Variants in POLR3E observed in about 807,000 individuals in gnomAD.
POLR3E encodes RNA polymerase III subunit E.
In POLR3E, 41 loss-of-function variants were observed where a neutral mutation model predicts 96.6. That is an observed-to-expected ratio of 0.42 (90% CI 0.33 to 0.55). The LOEUF (loss-of-function observed/expected upper bound fraction) is 0.55, where lower values mean the gene tolerates loss of function less well. POLR3E is among the 20% of genes least tolerant of loss of function. The probability of loss-of-function intolerance (pLI) is 0.06; values close to 1 mark genes in which losing one functional copy is unlikely to be tolerated. For synonymous variants in POLR3E, 396 were observed against 383.6 expected, an observed-to-expected ratio of 1.03 and a Z score of -0.38; for missense variants, 849 against 952.1, an observed-to-expected ratio of 0.89 and a Z score of 1.43.
chr16:22,305,464 A>C (rs1598238240), intron 3 of POLR3E: 2 of 676,654 alleles, frequency 3.0e-6, no homozygotes, highest in East Asian at 5.7e-5. Context: ...TTGAGATCCA[A>C]CTCCATCACA....
intron 14 of POLR3E, among the ~76,000 whole-genome samples, chr16:22,323,858 C>T (rs2048520808): frequency 6.6e-6 from 1 of 152,178 alleles, no homozygotes. Context: ...TGTCTCTCAG[C>T]CAGCCACCCT....
At chr16:22,319,287 T>A (rs931042521) in intron 13 of POLR3E, among the ~76,000 whole-genome samples, 3 of 152,250 alleles carry the variant, frequency 2.0e-5, no homozygotes, top group African/African-American at 7.2e-5. Context: ...CTGTATTCTC[T>A]TAATGGGAGC....
chr16:22,303,072 C>A, intron 2 of POLR3E, 68 bp downstream of exon 2: 2 of 1,393,968 alleles, frequency 1.4e-6, no homozygotes, highest in Non-Finnish European at 2.0e-6. Context: ...TTCCATGTGT[C>A]CTCAGGCCAG....
intron 3 of POLR3E, among the ~76,000 whole-genome samples, chr16:22,307,479 T>G (rs2048157560): frequency 6.6e-6 from 1 of 152,176 alleles, no homozygotes; most frequent in Admixed American, 6.5e-5. Context: ...GGTCCAGACT[T>G]TGACTCCTTC....
chr16:22,311,296 A>G (rs111949909), intron 6 of POLR3E, among the ~76,000 whole-genome samples: 6 of 142,796 alleles, frequency 4.2e-5, no homozygotes, highest in African/African-American at 1.6e-4. Context: ...TTTTTAATAA[A>G]TTTAGTGTAG....
At chr16:22,328,369 C>G (rs1354408458) in intron 18 of POLR3E, 141 bp from the exon 19 acceptor site, 5 of 709,564 alleles carry the variant, frequency 7.0e-6, no homozygotes, top group Admixed American at 6.4e-5. Context: ...GCCCAAGGCC[C>G]TCAGAGATGG....
At chr16:22,321,691 C>A (rs1490720082) in intron 13 of POLR3E, among the ~76,000 whole-genome samples, 3 of 152,332 alleles carry the variant, frequency 2.0e-5, no homozygotes, top group Non-Finnish European at 4.4e-5. Context: ...ATGGCTCAGC[C>A]CTGGGCTCTG....
intron 13 of POLR3E, among the ~76,000 whole-genome samples, chr16:22,319,785 T>A (rs2048433920): frequency 6.6e-6 from 1 of 152,218 alleles, no homozygotes; most frequent in African/African-American, 2.4e-5. Flanking sequence ...AATGTAATGA[T>A]CAAATCAGGG....
chr16:22,333,713 A>G lies in POLR3E; in HGVS notation c.*13A>G. The G allele has an allele frequency of 6.3e-7, 1 of 1,585,406 alleles. No individual in the cohort carries two copies. The highest frequency in any genetic ancestry group is 8.7e-7 in the Non-Finnish European group (1 of 1,153,702). ...AGTACAGTCTTGACAATAGTAGCAA[A>G]CTACTAACCCAGCAAATCTAAGCCC... On this transcript the variant is annotated 3_prime_UTR_variant, in exon 21 of 21. Transcript: ENST00000299853.
intron 6 of POLR3E, among the ~76,000 whole-genome samples, chr16:22,311,550 A>G (rs1464392255): frequency 6.6e-6 from 1 of 151,434 alleles, no homozygotes; most frequent in East Asian, 1.9e-4. Flanking sequence ...GCTGGAGTAC[A>G]GTGGTGATCA....
intron 1 of POLR3E, among the ~76,000 whole-genome samples, chr16:22,297,801 C>A (rs577140845): frequency 6.6e-6 from 1 of 152,378 alleles, no homozygotes; most frequent in South Asian, 2.1e-4. Flanking sequence ...AGCCGACCTG[C>A]CCTATCCGGG....
rs761371483 is a variant in POLR3E at position 22,316,955 on chromosome 16, G to A, written c.729-40G>A. Reference sequence around the variant, plus strand: ...GTGGCTGGTGAGGAGGGTCCAGCCTGGATCAGCCCTGAGCCTCTGCCCCTG... The same window carrying A: ...GTGGCTGGTGAGGAGGGTCCAGCCTAGATCAGCCCTGAGCCTCTGCCCCTG... On this transcript the variant is annotated intron_variant, in intron 10 of 20. Coordinates refer to ENST00000299853, the MANE Select transcript of POLR3E (RefSeq NM_018119.4). The A allele has an allele frequency of 3.7e-6, 6 of 1,609,326 alleles. No homozygotes were observed. The African/African-American group carries it at 8.0e-5, about 22-fold the overall frequency.
At chr16:22,299,113 G>A (rs567116929) in intron 1 of POLR3E, 7 of 451,218 alleles carry the variant, frequency 1.6e-5, no homozygotes, top group African/African-American at 1.4e-4. Context: ...GGCTGGGGGA[G>A]GCTTTTAAAA....
chr16:22,309,810 C>G (rs1437218980), intron 6 of POLR3E: 1 of 456,398 alleles, frequency 2.2e-6, no homozygotes, highest in Non-Finnish European at 4.0e-6. Flanking sequence ...AGAATTTTGT[C>G]TTTAAATATG....
intron 9 of POLR3E, 122 bp downstream of exon 9, chr16:22,315,330 A>T: frequency 9.3e-7 from 1 of 1,080,124 alleles, no homozygotes; most frequent in South Asian, 1.6e-5. Flanking sequence ...CAGATAGAGG[A>T]TCGAGTCCTG....
At chr16:22,319,654 T>C (rs954157087) in intron 13 of POLR3E, among the ~76,000 whole-genome samples, 3 of 152,110 alleles carry the variant, frequency 2.0e-5, no homozygotes, top group Non-Finnish European at 2.9e-5. Context: ...CCGCCTCGGC[T>C]TCCCAAAGTG....
rs2048281147 is a variant in POLR3E at position 22,313,028 on chromosome 16, A to G, written c.365-592A>G. ...GCGTTCTGTTTAGAACCCATGTCTC[A>G]AGCATGTAATTCTTGAAAGCCACAT... On this transcript the variant is annotated intron_variant, in intron 6 of 20. Transcript: ENST00000299853. The surrounding 1 kb of genome is among the most constrained non-coding windows in gnomAD (Gnocchi z 4.1). Among the ~76,000 whole-genome samples, 1 of 152,176 alleles carries G rather than the reference A, an allele frequency of 6.6e-6. No individual in the cohort carries two copies. Among genetic ancestry groups the G allele is most frequent in the African/African-American group, 2.4e-5 (1 of 41,426 alleles).
chr16:22,324,151 G>A (rs2048528479), intron 14 of POLR3E, among the ~76,000 whole-genome samples: 1 of 152,002 alleles, frequency 6.6e-6, no homozygotes, highest in Non-Finnish European at 1.5e-5. Context: ...GAAGAGATGG[G>A]CCTGGAGCTC....
chr16:22,313,195 T>C lies in POLR3E; in HGVS notation c.365-425T>C, dbSNP rs1489605268. On this transcript the variant is annotated intron_variant, in intron 6 of 20. Coordinates refer to ENST00000299853, the MANE Select transcript of POLR3E (RefSeq NM_018119.4). The surrounding 1 kb of genome is among the most constrained non-coding windows in gnomAD (Gnocchi z 4.1). ...CGGGTGGGATTTTGGCGGGAAAAGATGGAGGATAAGAAGGAGAGGAAATCC... is the reference window on the plus strand; with the variant it reads ...CGGGTGGGATTTTGGCGGGAAAAGACGGAGGATAAGAAGGAGAGGAAATCC... Among the ~76,000 whole-genome samples the C allele has an allele frequency of 2.0e-5, 3 of 151,910 alleles. No individual in the cohort carries two copies. Among genetic ancestry groups the C allele is most frequent in the Non-Finnish European group, 2.9e-5 (2 of 67,988 alleles).
Sources: gnomAD v4.1 joint callset for allele counts (sites outside exome capture counted in the v4.1 genomes callset) on GRCh38, gnomAD v4.1.1 for gene constraint, Gnocchi (gnomAD v3.1) non-coding constraint, MANE v1.5 for transcripts, NCBI Gene and HGNC (gene_info 2026-07-23, HGNC 2026-07-21) for gene names.